The following WT1 variants were observed in gnomAD, a reference collection of about 807,000 sequenced individuals.
The protein encoded by WT1 is WT1 transcription factor.
WT1 carries 8 observed loss-of-function variants against 60.8 expected under a neutral mutation model. The ratio of observed to expected loss-of-function variants is 0.13; its 90% confidence interval spans 0.08 to 0.24. The LOEUF (loss-of-function observed/expected upper bound fraction) is 0.24, where lower values mean the gene tolerates loss of function less well. WT1 is among the 10% of genes least tolerant of loss of function. The pLI, the probability that WT1 is intolerant of heterozygous loss-of-function variation, is 1.00. For missense variants in WT1, 568 were observed against 711.8 expected, an observed-to-expected ratio of 0.80 and a Z score of 2.30; for synonymous variants, 312 against 297.1, an observed-to-expected ratio of 1.05 and a Z score of -0.52.
intron 9 of WT1, among the ~76,000 whole-genome samples, chr11:32,389,795 G>C (rs570772861): frequency 2.2e-4 from 33 of 152,056 alleles, no homozygotes; most frequent in African/African-American, 6.0e-4. Flanking sequence ...GAAGATTCTA[G>C]TTGGGGCGTG....
At chr11:32,392,866 G>C (rs1053163047) in intron 7 of WT1, 111 bp from the exon 8 acceptor site, 26 of 921,804 alleles carry the variant, frequency 2.8e-5, no homozygotes, top group Non-Finnish European at 4.3e-5. Flanking sequence ...AAGGCACTTC[G>C]CTGGAGCTTG....
chr11:32,410,802 C>T (rs926105398), intron 5 of WT1, among the ~76,000 whole-genome samples: 20 of 152,252 alleles, frequency 1.3e-4, no homozygotes, highest in South Asian at 4.2e-4. Context: ...TAAACTTGTT[C>T]GCTTTTAATA....
chr11:32,430,878 G>T (rs572439044), intron 1 of WT1: 5 of 1,186,584 alleles, frequency 4.2e-6, no homozygotes, highest in African/African-American at 1.5e-5. Context: ...TGATTAGAGC[G>T]CGCTGTCCCT....
intron 7 of WT1, among the ~76,000 whole-genome samples, chr11:32,394,263 CT>C (rs1015385889): frequency 4.6e-5 from 7 of 152,126 alleles, no homozygotes; most frequent in Admixed American, 1.3e-4. Flanking sequence ...GATGTTACCC[CT>C]ATTGAGTCTG....
intron 3 of WT1, among the ~76,000 whole-genome samples, chr11:32,420,151 AT>A (rs553544529): frequency 1.8e-4 from 28 of 152,240 alleles, no homozygotes; most frequent in African/African-American, 6.5e-4. Flanking sequence ...AAATGATAAG[AT>A]TTTTTGCTAT....
intron 5 of WT1, among the ~76,000 whole-genome samples, chr11:32,401,604 G>A (rs976814992): frequency 2.6e-5 from 4 of 151,848 alleles, no homozygotes; most frequent in Non-Finnish European, 4.4e-5. Flanking sequence ...GCAGTGGTGC[G>A]ATCTTGGCTC....
intron 7 of WT1, among the ~76,000 whole-genome samples, chr11:32,394,013 C>T (rs961242547): frequency 6.6e-6 from 1 of 152,232 alleles, no homozygotes; most frequent in African/African-American, 2.4e-5. Flanking sequence ...CTACCTCAGC[C>T]TCCTGAGTAG....
intron 1 of WT1, among the ~76,000 whole-genome samples, chr11:32,431,603 A>AT (rs111367482): frequency 0.01 from 1,496 of 148,296 alleles, 8 homozygotes; most frequent in African/African-American, 0.025. Flanking sequence ...AGCCCGGCCA[A>AT]TTTTTTTTTT....
intron 5 of WT1, 87 bp downstream of exon 5, chr11:32,416,403 A>C: frequency 6.5e-7 from 1 of 1,541,746 alleles, no homozygotes; most frequent in South Asian, 1.1e-5. Flanking sequence ...CTGATTACCC[A>C]CGTCAGTCCT....
chr11:32,412,711 C>T (rs76813620), intron 5 of WT1, among the ~76,000 whole-genome samples: 1,507 of 86,968 alleles, frequency 0.017, 72 homozygotes, highest in African/African-American at 0.065. Flanking sequence ...TCCCAGGGAC[C>T]CACTTTAAAA....
At chr11:32,418,195 C>A (rs545700716) in intron 3 of WT1, among the ~76,000 whole-genome samples, 1 of 146,210 alleles carries the variant, frequency 6.8e-6, no homozygotes, top group African/African-American at 2.5e-5. Context: ...CTATGCACAG[C>A]GGAAGGAATC....
At position 32,389,153 on chromosome 11, in the gene WT1, G is replaced by A. The variant is rs761360324; in HGVS notation, c.1474C>T (p.Pro492Ser). ...CGGGCAAACTTTTTCTGACAACTTG[G>A]CCACCGACAGCTGAAGGGCTTTTCA... The change falls in exon 10 of 10, where the codon CCA (proline) becomes TCA (serine). Residue 492 changes from proline to serine, a missense_variant. Physicochemically the swap from Pro to Ser is moderately conservative, Grantham distance 74. Coordinates refer to ENST00000452863, the MANE Select transcript of WT1 (RefSeq NM_024426.6). 6.2e-7 allele frequency: 1 copy of A among 1,614,052 alleles called. No homozygotes were observed. The highest frequency in any genetic ancestry group is 8.5e-7 in the Non-Finnish European group (1 of 1,180,008).
chr11:32,430,130 T>C (rs1853229203), intron 1 of WT1, among the ~76,000 whole-genome samples: 1 of 152,058 alleles, frequency 6.6e-6, no homozygotes, highest in Non-Finnish European at 1.5e-5. Context: ...TCTCACACAC[T>C]GCTCAGCACC....
chr11:32,413,756 G>A (rs778343732), intron 5 of WT1, among the ~76,000 whole-genome samples: 4 of 152,240 alleles, frequency 2.6e-5, no homozygotes, highest in Non-Finnish European at 4.4e-5. Flanking sequence ...GTGCACATGT[G>A]TGTATATGGG....
chr11:32,415,346 C>A (rs1852631938), intron 5 of WT1, among the ~76,000 whole-genome samples: 1 of 145,740 alleles, frequency 6.9e-6, no homozygotes, highest in Non-Finnish European at 1.5e-5. Context: ...GAACTTAAGA[C>A]GAGTTAAGAA....
intron 7 of WT1, among the ~76,000 whole-genome samples, chr11:32,395,254 G>T (rs1047607101): frequency 6.6e-6 from 1 of 152,158 alleles, no homozygotes; most frequent in Non-Finnish European, 1.5e-5. Flanking sequence ...GGCAGCAGTA[G>T]CTCCTCTGTA....
chr11:32,390,487 C>T (rs5030303), intron 9 of WT1, among the ~76,000 whole-genome samples: 2,404 of 152,306 alleles, frequency 0.016, 65 homozygotes, highest in African/African-American at 0.054. Context: ...GAAGCAAGAT[C>T]CCATCCTGCC....
At position 32,435,052 on chromosome 11, in the gene WT1, G is replaced by T. The variant is rs547333427; in HGVS notation, c.309C>A (p.Gly103=). ...CCAGCACCGGCGCCCACTGCGCCGC[G>T]CCGCTCACAGGCAGGGCACAGCCGC... The change falls in exon 1 of 10, where the codon GGC becomes GGA. Residue 103 remains glycine, a synonymous_variant. Transcript: ENST00000452863. 4.3e-4 allele frequency: 628 copies of T among 1,465,328 alleles called. 1 individual carries two copies. The African/African-American group carries it at 6.0e-3, about 14-fold the overall frequency. 90.8% of individuals were successfully genotyped at this position (1,465,328 alleles called of 1,614,324 possible). A position where few individuals can be genotyped will look rare whatever the true frequency, so the allele number is the denominator to read the frequency against.
chr11:32,430,087 C>A (rs1387232645), intron 1 of WT1, among the ~76,000 whole-genome samples: 1 of 152,008 alleles, frequency 6.6e-6, no homozygotes, highest in African/African-American at 2.4e-5. Context: ...GGGGCAAATC[C>A]TAACTCCCGG....
Sources: allele counts gnomAD v4.1 joint callset (sites outside exome capture counted in the v4.1 genomes callset), GRCh38; gene constraint gnomAD v4.1.1; transcripts MANE v1.5; gene names NCBI Gene and HGNC (gene_info 2026-07-23, HGNC 2026-07-21).